The following FIG4 variants were observed in gnomAD, a reference collection of about 807,000 sequenced individuals.
FIG4 encodes the protein polyphosphoinositide phosphatase.
In FIG4, 112 loss-of-function variants were observed where a neutral mutation model predicts 118.6. The ratio of observed to expected loss-of-function variants is 0.94; its 90% CI spans 0.81 to 1.11. The LOEUF (loss-of-function observed/expected upper bound fraction) is 1.11. Among genes scored for constraint, FIG4 ranks in the 50% least tolerant of loss-of-function variants. The probability of loss-of-function intolerance (pLI) is 0.00; values close to 1 mark genes in which losing one functional copy is unlikely to be tolerated. For missense variants in FIG4, 969 were observed against 1,111.7 expected, an observed-to-expected ratio of 0.87 and a Z score of 1.83; for synonymous variants, 369 against 381.2, an observed-to-expected ratio of 0.97 and a Z score of 0.37.
intron 1 of FIG4, among the ~76,000 whole-genome samples, chr6:109,708,700 T>A (rs1344325712): frequency 6.6e-6 from 1 of 152,266 alleles, no homozygotes; most frequent in Non-Finnish European, 1.5e-5. Flanking sequence ...GGTTTTGATT[T>A]GCATTTCTCT....
intron 7 of FIG4, among the ~76,000 whole-genome samples, 190 bp from the exon 8 acceptor site, chr6:109,741,254 C>G (rs952496213): frequency 1.3e-5 from 2 of 152,126 alleles, no homozygotes; most frequent in African/African-American, 4.8e-5. Flanking sequence ...TGGATATTGC[C>G]TTCCCTTTGT....
intron 22 of FIG4, among the ~76,000 whole-genome samples, chr6:109,815,320 C>T (rs1778830311): frequency 6.6e-6 from 1 of 151,974 alleles, no homozygotes; most frequent in African/African-American, 2.4e-5. Flanking sequence ...CCAGGCCACC[C>T]TTCCATATGG....
At chr6:109,815,219 C>T (rs149855033) in intron 22 of FIG4, among the ~76,000 whole-genome samples, 3 of 152,006 alleles carry the variant, frequency 2.0e-5, no homozygotes, top group African/African-American at 7.2e-5. Context: ...TGCATCCACC[C>T]CTTCCCAGAC....
At chr6:109,751,012 A>G (rs1776678527) in intron 10 of FIG4, among the ~76,000 whole-genome samples, 1 of 152,184 alleles carries the variant, frequency 6.6e-6, no homozygotes, top group Non-Finnish European at 1.5e-5. Flanking sequence ...TAATTATTTC[A>G]TTTGATGTAT....
chr6:109,724,754 T>G (rs1775740208), intron 3 of FIG4, among the ~76,000 whole-genome samples: 1 of 152,132 alleles, frequency 6.6e-6, no homozygotes, highest in African/African-American at 2.4e-5. Context: ...TACTATGTTT[T>G]TAAACATTAT....
rs904097136 is a variant in FIG4 at position 109,796,788 on chromosome 6, A to G, written c.2483A>G (p.Gln828Arg). 3 of 1,611,632 alleles carry G rather than the reference A, an allele frequency of 1.9e-6. No individual in the cohort carries two copies. Among genetic ancestry groups the G allele is most frequent in the African/African-American group, 2.7e-5 (2 of 74,886 alleles). The stretch of plus-strand genomic sequence containing the variant: ...AGATTTGTTCAGCTGGGGCAGAGTC[A>G]ACATAAACAAGACAAGAATAGCCAG... ...YSRFVQLGQSQHKQDKNSQQP... is the reference protein window; with the variant it reads ...YSRFVQLGQSRHKQDKNSQQP... The change falls in exon 22 of 23, where the codon CAA (glutamine) becomes CGA (arginine). Residue 828 changes from glutamine to arginine, a missense_variant. By Grantham distance (43) the Gln-to-Arg change is conservative. Transcript: ENST00000230124.
chr6:109,715,901 G>A (rs538556085), intron 2 of FIG4, among the ~76,000 whole-genome samples: 24 of 152,220 alleles, frequency 1.6e-4, no homozygotes, highest in African/African-American at 5.8e-4. Flanking sequence ...TAAGCTACTT[G>A]TAACAAAACT....
chr6:109,711,823 C>T (rs138377608), intron 1 of FIG4, among the ~76,000 whole-genome samples: 166 of 152,236 alleles, frequency 1.1e-3, no homozygotes, highest in Non-Finnish European at 1.7e-3. Flanking sequence ...GGTCATTTTG[C>T]ACACTTGTTT....
chr6:109,769,991 G>T (rs1304299332), intron 15 of FIG4, among the ~76,000 whole-genome samples: 1 of 152,196 alleles, frequency 6.6e-6, no homozygotes, highest in Non-Finnish European at 1.5e-5. Flanking sequence ...GGTTTATGTG[G>T]ATGGACTGAT....
At chr6:109,743,064 C>T (rs754456972) in intron 8 of FIG4, 46 bp from the exon 9 acceptor site, 9 of 1,479,926 alleles carry the variant, frequency 6.1e-6, no homozygotes, top group East Asian at 2.3e-5. Flanking sequence ...TTTCATTAAA[C>T]ATTTCTAATA....
Position 109,761,283 on chromosome 6 carries a change from C to T in FIG4, c.1272-808C>T, listed in dbSNP as rs548817516. On this transcript the variant is annotated intron_variant, in intron 11 of 22. Transcript: ENST00000230124. ...TCAGCTTATTGCAGACTCTGCCGCC[C>T]GGGTTCAAGCGATTCTCCTGTCTCA... Among the ~76,000 whole-genome samples the T allele has an allele frequency of 7.2e-5, 11 of 152,206 alleles. No individual in the cohort carries two copies. The East Asian group carries it at 9.7e-4, about 13-fold the overall frequency.
chr6:109,716,712 A>G, intron 3 of FIG4, 144 bp downstream of exon 3: 3 of 960,054 alleles, frequency 3.1e-6, no homozygotes, highest in East Asian at 2.5e-5. Flanking sequence ...TTCATTATCC[A>G]TCAATCAGAT....
intron 14 of FIG4, among the ~76,000 whole-genome samples, 171 bp downstream of exon 14, chr6:109,765,332 T>C (rs1425144659): frequency 6.6e-6 from 1 of 152,248 alleles, no homozygotes; most frequent in Non-Finnish European, 1.5e-5. Context: ...CTAGTAGTTT[T>C]ATAGTTTTTG....
At chr6:109,698,573 T>A (rs937161284) in intron 1 of FIG4, among the ~76,000 whole-genome samples, 1 of 152,270 alleles carries the variant, frequency 6.6e-6, no homozygotes, top group Non-Finnish European at 1.5e-5. Context: ...CATTCTTGTC[T>A]TGTTTTTTAT....
At chr6:109,741,589 A>G (rs867562246) in intron 8 of FIG4, 45 bp downstream of exon 8, 1 of 1,199,612 alleles carries the variant, frequency 8.3e-7, no homozygotes, top group East Asian at 2.3e-5. Flanking sequence ...AACCTTTTAT[A>G]TCAGCTTTGC....
intron 22 of FIG4, among the ~76,000 whole-genome samples, chr6:109,821,802 C>T (rs986643314): frequency 7.9e-5 from 12 of 152,234 alleles, no homozygotes; most frequent in African/African-American, 2.9e-4. Context: ...TGAACTGCAT[C>T]TTGACTATGC....
intron 10 of FIG4, among the ~76,000 whole-genome samples, chr6:109,754,798 G>A (rs1261577371): frequency 3.9e-5 from 6 of 152,006 alleles, no homozygotes; most frequent in South Asian, 2.1e-4. Context: ...CTCCTTTATC[G>A]TTTTTTATTG....
rs569782100 is a variant in FIG4 at position 109,791,271 on chromosome 6, T to G, written c.2181-105T>G. 25 of 968,750 alleles carry G rather than the reference T, an allele frequency of 2.6e-5. No individual in the cohort carries two copies. The South Asian group carries it at 3.0e-4, about 12-fold the overall frequency. The allele number at this position is 968,750 out of a possible 1,614,324, so 60.0% of individuals were successfully genotyped here. A position where few individuals can be genotyped will look rare whatever the true frequency, so the allele number is the denominator to read the frequency against. ...AATCCAGAAACTAGTGTCACAGTCA[T>G]TTTCTTATGCTTCACTAGGCCTAAG... is the stretch of plus-strand genomic sequence containing the variant. On this transcript the variant is annotated intron_variant, in intron 19 of 22. Transcript: ENST00000230124.
chr6:109,749,804 T>C (rs1210932535), intron 10 of FIG4, among the ~76,000 whole-genome samples: 2 of 152,176 alleles, frequency 1.3e-5, no homozygotes, highest in East Asian at 1.9e-4. Context: ...TTTTTGAATA[T>C]TTAAAGGTCA....
Sources: gnomAD v4.1 joint callset for allele counts (sites outside exome capture counted in the v4.1 genomes callset) on GRCh38, gnomAD v4.1.1 for gene constraint, MANE v1.5 for transcripts, NCBI Gene and HGNC (gene_info 2026-07-23, HGNC 2026-07-21) for gene names.